CES3: variants seen among roughly 807,000 people sequenced by gnomAD.
CES3 encodes carboxylesterase 3 (brain).
In CES3, 49 loss-of-function variants were observed where a neutral mutation model predicts 57.6. The ratio of observed to expected loss-of-function variants is 0.85; its 90% CI spans 0.68 to 1.08. CES3 has a LOEUF of 1.08. CES3 is among the 50% of genes least tolerant of loss of function. The pLI, the probability that CES3 is intolerant of heterozygous loss-of-function variation, is 0.00. For synonymous variants in CES3, 266 were observed against 281.6 expected (o/e 0.94, Z 0.55); for missense variants, 645 against 742.0 (o/e 0.87, Z 1.52).
At chr16:66,967,819 C>G (rs1423099787) in intron 8 of CES3, 1 of 936,368 alleles carries the variant, frequency 1.1e-6, no homozygotes, top group Non-Finnish European at 1.3e-6. Flanking sequence ...TGCAGTGCAG[C>G]AGCGCCATCA....
Position 66,971,024 on chromosome 16 carries a change from C to T in CES3, c.1144-148C>T, listed in dbSNP as rs939739232. ...TCCAAACCTGAGCTTATGCCAAACTCCCAGGGAGGCAGAGAGGCAGCTGGC... is the reference window on the plus strand; with the variant it reads ...TCCAAACCTGAGCTTATGCCAAACTTCCAGGGAGGCAGAGAGGCAGCTGGC... On this transcript the variant is annotated intron_variant, in intron 9 of 12. Transcript: ENST00000303334. 6 of 837,622 alleles carry T rather than the reference C, an allele frequency of 7.2e-6. No individual in the cohort carries two copies. In the African/African-American group the frequency reaches 1.0e-4, roughly 15 times the overall value. 51.9% of individuals were successfully genotyped at this position (837,622 alleles called of 1,614,324 possible).
At chr16:66,965,267 C>T (rs978620498) in intron 6 of CES3, among the ~76,000 whole-genome samples, 3 of 152,156 alleles carry the variant, frequency 2.0e-5, no homozygotes, top group Admixed American at 6.5e-5. Flanking sequence ...TGGACTTTCT[C>T]CAGAGGGCAG....
intron 1 of CES3, among the ~76,000 whole-genome samples, chr16:66,961,702 T>A (rs2145527855): frequency 6.6e-6 from 1 of 152,208 alleles, no homozygotes; most frequent in East Asian, 1.9e-4. Flanking sequence ...TAGCTGGGAT[T>A]ACAGGCACCT....
In CES3 at chr16:66,964,436, G is replaced by A. The variant is rs147541860; in HGVS notation, c.640G>A (p.Ala214Thr). The change falls in exon 5 of 13, where the codon GCC becomes ACC. Residue 214 changes from alanine (A) to threonine (T), a missense_variant. Ala to Thr is a moderately conservative substitution (Grantham distance 58). Coordinates refer to ENST00000303334, the MANE Select transcript of CES3 (RefSeq NM_024922.6). ...TTTGCGCTGGGTGCAAGAAAACATC[G>A]CCCCCTTCGGGGGTGACCTCAACTG... is the stretch of plus-strand genomic sequence containing the variant. ...AALRWVQENI[A>T]PFGGDLNCVT... is the part of the protein sequence containing the mutation. 7.4e-5 allele frequency: 120 copies of A among 1,614,100 alleles called. No homozygotes were observed. The South Asian group carries it at 8.1e-4, about 11-fold the overall frequency.
chr16:66,963,995 G>C lies in CES3; in HGVS notation c.560+60G>C. ...ACCGGGGAGAGGCCAGCTCACCAGA[G>C]CAACTGGGGATCTAGGTTGGGGTCC... On this transcript the variant is annotated intron_variant, in intron 4 of 12. Transcript: ENST00000303334. The surrounding 1 kb of genome is among the most constrained non-coding windows in gnomAD (Gnocchi z 4.9). 6.3e-7 allele frequency: 1 copy of C among 1,588,216 alleles called. No individual in the cohort carries two copies. The highest frequency in any genetic ancestry group is 1.1e-5 in the South Asian group (1 of 90,300).
At chr16:66,965,051 C>A (rs1010147498) in intron 6 of CES3, among the ~76,000 whole-genome samples, 9 of 152,232 alleles carry the variant, frequency 5.9e-5, no homozygotes, top group African/African-American at 2.2e-4. Context: ...TGCCTGCGAG[C>A]TCTCCATTCA....
Position 66,973,149 on chromosome 16 carries a change from TC to T in CES3, c.*102del. ...CTCTCCCCCTGCTGAGACTTTAATC[TC>T]CACCAGCCCTTAAAGTGTCGGCCGC... is the stretch of plus-strand genomic sequence containing the variant. On this transcript the variant is annotated 3_prime_UTR_variant, in exon 13 of 13. Transcript: ENST00000303334. 1.9e-6 allele frequency: 2 copies of T among 1,068,212 alleles called. No homozygotes were observed. The highest frequency in any genetic ancestry group is 2.7e-6 in the Non-Finnish European group (2 of 738,112). 66.2% of individuals were successfully genotyped at this position (1,068,212 alleles called of 1,614,324 possible).
Position 66,971,235 on chromosome 16 carries a change from C to A in CES3, c.1207C>A (p.Gln403Lys), listed in dbSNP as rs1185626818. 13 of 1,614,130 alleles carry A rather than the reference C, an allele frequency of 8.1e-6. No homozygotes were observed. The highest frequency in any genetic ancestry group is 2.2e-5 in the South Asian group (2 of 91,076). The change falls in exon 10 of 13, where the codon CAA (glutamine) becomes AAA (lysine). Residue 403 changes from glutamine to lysine, a missense_variant. Coordinates refer to ENST00000303334, the MANE Select transcript of CES3 (RefSeq NM_024922.6). ...DEYLGSNSDA[Q>K]AKCQAFQEFM... The stretch of plus-strand genomic sequence containing the variant: ...ATACCTAGGAAGCAACTCGGACGCA[C>A]AAGCCAAATGCCAGGCGTTCCAGGA...
At chr16:66,964,078 C>T (rs113067420) in intron 4 of CES3, 143 bp downstream of exon 4, 4 of 1,288,130 alleles carry the variant, frequency 3.1e-6, no homozygotes, top group East Asian at 2.4e-5. Flanking sequence ...GGGCACCCCC[C>T]AAGCCTCCAC....
chr16:66,972,612 G>T, intron 11 of CES3, 56 bp from the exon 12 acceptor site: 1 of 1,613,262 alleles, frequency 6.2e-7, no homozygotes, highest in Admixed American at 1.7e-5. Flanking sequence ...GGATCCTTGG[G>T]TCCCTTCCAG....
rs764200352 is a variant in CES3 at position 66,963,616 on chromosome 16, G to T, written c.413G>T (p.Gly138Val). 7 of 1,614,184 alleles carry T rather than the reference G, an allele frequency of 4.3e-6. No homozygotes were observed. The highest frequency in any genetic ancestry group is 5.9e-6 in the Non-Finnish European group (7 of 1,180,034). The change falls in exon 3 of 13, where the codon GGG (glycine) becomes GTG (valine). Residue 138 changes from glycine (G) to valine (V), a missense_variant. Gly to Val is a moderately radical substitution (Grantham distance 109). Coordinates refer to ENST00000303334, the MANE Select transcript of CES3 (RefSeq NM_024922.6). The surrounding 1 kb of genome is among the most constrained non-coding windows in gnomAD (Gnocchi z 4.9). ...TATAGCCCAGCTGAGGTCCCCGCAG[G>T]GTCCGGTAGGCCGGTAGGCACCCCA... is the stretch of plus-strand genomic sequence containing the variant. ...NVYSPAEVPAGSGRPVMVWVH... is the reference protein window; with the variant it reads ...NVYSPAEVPAVSGRPVMVWVH...
chr16:66,967,406 C>T, intron 8 of CES3: 1 of 734,250 alleles, frequency 1.4e-6, no homozygotes, highest in Non-Finnish European at 1.7e-6. Context: ...CTTCTGGGCA[C>T]TGCTGATCTG....
chr16:66,964,516 T>G lies in CES3; in HGVS notation c.714+6T>G, dbSNP rs751687416. The G allele has an allele frequency of 2.5e-6, 4 of 1,613,780 alleles. No individual in the cohort carries two copies. Among genetic ancestry groups the G allele is most frequent in the Non-Finnish European group, 3.4e-6 (4 of 1,179,924 alleles). The stretch of plus-strand genomic sequence containing the variant: ...GGAGCATCATCTCTGGCCTGGTAAG[T>G]CACTATAGGGGGCTAGTGATGGTGG... On this transcript the variant is annotated splice_donor_region_variant and intron_variant, in intron 5 of 12. Transcript: ENST00000303334.
intron 8 of CES3, chr16:66,967,789 C>A: frequency 1.0e-6 from 1 of 979,554 alleles, no homozygotes; most frequent in Non-Finnish European, 1.2e-6. Flanking sequence ...TGAGACAGAG[C>A]CTCGATCCAT....
rs377396217 is a variant in CES3 at position 66,973,057 on chromosome 16, C to T, written c.*8C>T. The T allele has an allele frequency of 1.1e-5, 17 of 1,609,826 alleles. No individual in the cohort carries two copies. The African/African-American group carries it at 2.0e-4, about 19-fold the overall frequency. On this transcript the variant is annotated 3_prime_UTR_variant, in exon 13 of 13. Transcript: ENST00000303334. ...GCCCAGGAGGACCTCTGAGGCCAGG[C>T]CTGAACCTTCTTGGCTGGGGCAAAC...
intron 8 of CES3, chr16:66,967,734 A>G (rs1186775697): frequency 1.0e-6 from 1 of 982,538 alleles, no homozygotes; most frequent in Non-Finnish European, 1.2e-6. Context: ...AAGACAAAGC[A>G]ATCCATTTTT....
rs768694829 is a variant in CES3 at position 66,964,444 on chromosome 16, C to T, written c.648C>T (p.Phe216=). Residue 216 remains phenylalanine (F), a synonymous_variant, in exon 5 of 13, where the codon TTC becomes TTT. Transcript: ENST00000303334. Reference sequence around the variant, plus strand: ...GGGTGCAAGAAAACATCGCCCCCTTCGGGGGTGACCTCAACTGTGTCACTG... The same window carrying T: ...GGGTGCAAGAAAACATCGCCCCCTTTGGGGGTGACCTCAACTGTGTCACTG... The part of the protein sequence containing the change: ...LRWVQENIAP[F]GGDLNCVTVF... 5.0e-5 allele frequency: 81 copies of T among 1,613,988 alleles called. No homozygotes were observed. Among genetic ancestry groups the T allele is most frequent in the Non-Finnish European group, 5.6e-5 (66 of 1,180,004 alleles).
At chr16:66,968,765 T>G (rs1039828774) in intron 8 of CES3, among the ~76,000 whole-genome samples, 2 of 151,844 alleles carry the variant, frequency 1.3e-5, no homozygotes, top group Non-Finnish European at 2.9e-5. Context: ...AATACAAAAA[T>G]TAGCTGGGCG....
rs1464551700 is a variant in CES3 at position 66,972,391 on chromosome 16, C to T, written c.1327C>T (p.His443Tyr). 2 of 1,611,802 alleles carry T rather than the reference C, an allele frequency of 1.2e-6. No individual in the cohort carries two copies. The highest frequency in any genetic ancestry group is 8.5e-7 in the Non-Finnish European group (1 of 1,178,868). Residue 443 changes from histidine to tyrosine, a missense_variant, in exon 11 of 13, where the codon CAT becomes TAT. By Grantham distance (83) the His-to-Tyr change is moderately conservative. Transcript: ENST00000303334. Reference protein sequence around the residue: ...GSPVFFYEFQHRPSSFAKIKP... With the variant: ...GSPVFFYEFQYRPSSFAKIKP... ...CCCTGTCTTTTTCTATGAGTTCCAG[C>T]ATCGACCCAGTTCTTTTGCGAAGAT...
Sources: gnomAD v4.1 joint callset for allele counts (sites outside exome capture counted in the v4.1 genomes callset) on GRCh38, gnomAD v4.1.1 for gene constraint, Gnocchi (gnomAD v3.1) non-coding constraint, MANE v1.5 for transcripts, NCBI Gene and HGNC (gene_info 2026-07-23, HGNC 2026-07-21) for gene names.